SLC24A3: variants seen among roughly 807,000 people sequenced by gnomAD.
SLC24A3 encodes sodium/potassium/calcium exchanger 3.
Under a neutral mutation model 75.8 loss-of-function variants are expected in SLC24A3, and 28 were observed. The observed-to-expected ratio is 0.37, with a 90% confidence interval of 0.27 to 0.51. SLC24A3 has a LOEUF of 0.51. Among genes scored for constraint, SLC24A3 ranks in the 20% least tolerant of loss-of-function variants. SLC24A3 has a pLI of 0.94. For missense variants in SLC24A3, 663 were observed against 847.8 expected, an observed-to-expected ratio of 0.78 and a Z score of 2.71; for synonymous variants, 372 against 334.1, an observed-to-expected ratio of 1.11 and a Z score of -1.24.
chr20:19,550,506 G>A (rs2030674627), intron 3 of SLC24A3, among the ~76,000 whole-genome samples: 1 of 152,168 alleles, frequency 6.6e-6, no homozygotes, highest in Non-Finnish European at 1.5e-5. Flanking sequence ...TGACTTATGT[G>A]TAGCAACTAA....
rs535105671 is a variant in SLC24A3, at chr20:19,540,508, G to C, written c.348+24944G>C. 3.3e-5 allele frequency among the ~76,000 whole-genome samples: 5 copies of C among 152,278 alleles called. No homozygotes were observed. The East Asian group carries it at 7.7e-4, about 24-fold the overall frequency. ...CGCAAAAGCTGTTCTTTTACACAAAGATGAAACCAGCAGGCTCGCAGAGGC... is the reference window on the plus strand; with the variant it reads ...CGCAAAAGCTGTTCTTTTACACAAACATGAAACCAGCAGGCTCGCAGAGGC... On this transcript the variant is annotated intron_variant, in intron 3 of 16. Transcript: ENST00000328041.
intron 6 of SLC24A3, among the ~76,000 whole-genome samples, chr20:19,599,924 T>A (rs1050002978): frequency 6.6e-6 from 1 of 152,166 alleles, no homozygotes; most frequent in Admixed American, 6.5e-5. Flanking sequence ...GATTCTTCTA[T>A]GACCCGCGGA....
At chr20:19,271,326 AT>A (rs1233280480) in intron 1 of SLC24A3, among the ~76,000 whole-genome samples, 15 of 151,756 alleles carry the variant, frequency 9.9e-5, no homozygotes, top group Admixed American at 3.9e-4. Context: ...TAATTAAAAA[AT>A]AAAAAAAAAA....
intron 2 of SLC24A3, among the ~76,000 whole-genome samples, chr20:19,475,682 C>T (rs1987950625): frequency 2.0e-5 from 3 of 151,836 alleles, no homozygotes. Context: ...TCTTGCACAA[C>T]CTATATAAAG....
chr20:19,451,973 T>A (rs1035336783), intron 2 of SLC24A3, among the ~76,000 whole-genome samples: 1 of 152,222 alleles, frequency 6.6e-6, no homozygotes, highest in Non-Finnish European at 1.5e-5. Flanking sequence ...TTTCCTTGAC[T>A]TGCTTCAGTC....
chr20:19,515,609 G>T (rs2029970897), intron 3 of SLC24A3, 45 bp downstream of exon 3: 3 of 1,602,912 alleles, frequency 1.9e-6, no homozygotes. Flanking sequence ...CATAGGCTAG[G>T]CCTAGGGGTG....
rs546151386 is a variant in SLC24A3, at chr20:19,314,542, C to T, written c.271+33455C>T. Among the ~76,000 whole-genome samples the T allele has an allele frequency of 6.6e-5, 10 of 152,156 alleles. No homozygotes were observed. In the South Asian group the frequency reaches 8.3e-4, roughly 13 times the overall value. Reference sequence around the variant, plus strand: ...GTTACCTAGGCTGTTCTCATACTCTCGGGCTCTAGCAATCTGCCCACCTCA... The same window carrying T: ...GTTACCTAGGCTGTTCTCATACTCTTGGGCTCTAGCAATCTGCCCACCTCA... On this transcript the variant is annotated intron_variant, in intron 2 of 16. Transcript: ENST00000328041.
chr20:19,495,219 A>T (rs1469001195), intron 2 of SLC24A3, among the ~76,000 whole-genome samples: 4 of 152,212 alleles, frequency 2.6e-5, no homozygotes, highest in Admixed American at 2.6e-4. Flanking sequence ...AGCTGGATGC[A>T]TCAGCCCCAG....
intron 2 of SLC24A3, among the ~76,000 whole-genome samples, chr20:19,318,576 C>A (rs1262717906): frequency 6.6e-6 from 1 of 152,150 alleles, no homozygotes; most frequent in Non-Finnish European, 1.5e-5. Flanking sequence ...GATATGAAAT[C>A]AAGAGTGGGA....
intron 2 of SLC24A3, among the ~76,000 whole-genome samples, chr20:19,510,368 A>G (rs6112432): frequency 0.018 from 2,813 of 152,258 alleles, 80 homozygotes; most frequent in African/African-American, 0.064. Flanking sequence ...CCCTTCTGCC[A>G]CCTCCACCCC....
At chr20:19,568,291 C>T (rs748297489) in intron 3 of SLC24A3, among the ~76,000 whole-genome samples, 1 of 152,076 alleles carries the variant, frequency 6.6e-6, no homozygotes, top group Non-Finnish European at 1.5e-5. Context: ...TGGGTTTATA[C>T]CCATAAGAAT....
chr20:19,385,176 T>C (rs1429948385), intron 2 of SLC24A3, among the ~76,000 whole-genome samples: 3 of 152,248 alleles, frequency 2.0e-5, no homozygotes. Context: ...TTTACTATTG[T>C]TGCCTATAAT....
intron 2 of SLC24A3, among the ~76,000 whole-genome samples, chr20:19,371,367 C>T (rs1368222549): frequency 3.2e-5 from 3 of 94,702 alleles, no homozygotes; most frequent in African/African-American, 9.3e-5. Context: ...TGGGGATCAC[C>T]GAGCAGTCTG....
At chr20:19,411,120 G>A (rs1483670097) in intron 2 of SLC24A3, among the ~76,000 whole-genome samples, 1 of 152,190 alleles carries the variant, frequency 6.6e-6, no homozygotes, top group African/African-American at 2.4e-5. Flanking sequence ...GCTGGCTGCT[G>A]TGGAGGATGC....
At chr20:19,603,558 C>T (rs1186811462) in intron 6 of SLC24A3, among the ~76,000 whole-genome samples, 2 of 152,186 alleles carry the variant, frequency 1.3e-5, no homozygotes, top group African/African-American at 4.8e-5. Flanking sequence ...AACACCTGTT[C>T]GCCCAGCAGG....
intron 2 of SLC24A3, among the ~76,000 whole-genome samples, chr20:19,464,866 G>A (rs1282442168): frequency 1.3e-5 from 2 of 152,126 alleles, no homozygotes; most frequent in African/African-American, 4.8e-5. Context: ...TTTCCTTTAT[G>A]TCTCCAGCCC....
At chr20:19,516,791 CTG>C (rs1241986906) in intron 3 of SLC24A3, among the ~76,000 whole-genome samples, 2 of 152,344 alleles carry the variant, frequency 1.3e-5, no homozygotes, top group South Asian at 4.1e-4. Context: ...TCACAGCCCA[CTG>C]TGATTCAACG....
intron 3 of SLC24A3, among the ~76,000 whole-genome samples, chr20:19,516,803 G>A (rs910114551): frequency 2.6e-5 from 4 of 152,208 alleles, no homozygotes; most frequent in South Asian, 2.1e-4. Flanking sequence ...GTGATTCAAC[G>A]GAGGGGTCAG....
At chr20:19,444,672 A>G (rs1320404643) in intron 2 of SLC24A3, among the ~76,000 whole-genome samples, 1 of 152,092 alleles carries the variant, frequency 6.6e-6, no homozygotes, top group South Asian at 2.1e-4. Flanking sequence ...TGATGGTCCC[A>G]CTTTCATTTC....
Sources: allele counts gnomAD v4.1 joint callset (sites outside exome capture counted in the v4.1 genomes callset), GRCh38; gene constraint gnomAD v4.1.1; transcripts MANE v1.5; gene names NCBI Gene and HGNC (gene_info 2026-07-23, HGNC 2026-07-21).